Variants in SH3KBP1 observed in about 807,000 individuals in gnomAD.
SH3KBP1 encodes SH3 domain-containing kinase-binding protein 1.
SH3KBP1 carries 8 observed loss-of-function variants against 50.1 expected under a neutral mutation model. The ratio of observed to expected loss-of-function variants is 0.16; its 90% CI spans 0.09 to 0.29. SH3KBP1 has a LOEUF of 0.29. Among genes scored for constraint, SH3KBP1 ranks in the 10% least tolerant of loss-of-function variants. The pLI, the probability that SH3KBP1 is intolerant of heterozygous loss-of-function variation, is 1.00. For missense variants in SH3KBP1, 377 were observed against 535.2 expected, an observed-to-expected ratio of 0.70 and a Z score of 2.92; for synonymous variants, 227 against 218.6, an observed-to-expected ratio of 1.04 and a Z score of -0.34.
intron 9 of SH3KBP1, among the ~76,000 whole-genome samples, chrX:19,602,959 A>G (rs1341174648): frequency 9.0e-6 from 1 of 111,720 alleles, no homozygotes; most frequent in East Asian, 2.8e-4. Flanking sequence ...AACCTGCAAA[A>G]CTTGTGCTAA....
chrX:19,652,140 C>A (rs758687801), intron 6 of SH3KBP1, among the ~76,000 whole-genome samples: 7 of 110,870 alleles, frequency 6.3e-5, no homozygotes, highest in African/African-American at 2.0e-4. Context: ...TAGATTAGAG[C>A]CCTACTGTTT....
At chrX:19,611,956 G>GAAAAAAAAAAA (rs3036638) in intron 8 of SH3KBP1, among the ~76,000 whole-genome samples, 24 of 38,024 alleles carry the variant, frequency 6.3e-4, no homozygotes, top group Admixed American at 8.0e-4. Context: ...AGCAGAAGTA[G>GAAAAAAAAAAA]AAAAAAAAAA....
chrX:19,707,719 T>C (rs1343706906), intron 3 of SH3KBP1, among the ~76,000 whole-genome samples: 1 of 112,301 alleles, frequency 8.9e-6, no homozygotes, highest in Non-Finnish European at 1.9e-5. Flanking sequence ...GCATGTCCTA[T>C]CTGGGAGACC....
chrX:19,856,953 T>TTG, intron 1 of SH3KBP1, among the ~76,000 whole-genome samples: 1 of 37,502 alleles, frequency 2.7e-5, no homozygotes, highest in Non-Finnish European at 4.1e-5. Flanking sequence ...ATACTAGTCT[T>TTG]TTTTTTTTTT....
intron 3 of SH3KBP1, among the ~76,000 whole-genome samples, chrX:19,735,593 A>C: frequency 1.8e-5 from 2 of 109,414 alleles, no homozygotes; most frequent in South Asian, 8.0e-4. Flanking sequence ...CATACTGCTT[A>C]ATTTCTATGT....
intron 1 of SH3KBP1, among the ~76,000 whole-genome samples, chrX:19,882,077 G>A (rs886885613): frequency 9.0e-6 from 1 of 111,043 alleles, no homozygotes; most frequent in Non-Finnish European, 1.9e-5. Flanking sequence ...AAAGGTGAAT[G>A]CAAGATGTAA....
chrX:19,763,418 G>C (rs763450790), intron 2 of SH3KBP1, among the ~76,000 whole-genome samples: 47 of 112,358 alleles, frequency 4.2e-4, no homozygotes, highest in Non-Finnish European at 7.7e-4. Flanking sequence ...CTTTCCATAT[G>C]CTTACCGTTA....
intron 1 of SH3KBP1, among the ~76,000 whole-genome samples, chrX:19,872,839 A>T (rs868727369): frequency 1.1e-3 from 118 of 103,668 alleles, no homozygotes; most frequent in African/African-American, 4.6e-3. Context: ...TCTCTCACAC[A>T]CACACACACA....
At chrX:19,882,561 T>C (rs2069468726) in intron 1 of SH3KBP1, among the ~76,000 whole-genome samples, 2 of 111,798 alleles carry the variant, frequency 1.8e-5, no homozygotes, top group African/African-American at 6.5e-5. Context: ...GATTCCCTCC[T>C]ACAGCCTCCA....
intron 8 of SH3KBP1, among the ~76,000 whole-genome samples, chrX:19,631,469 G>A (rs949223574): frequency 2.7e-5 from 3 of 111,063 alleles, no homozygotes; most frequent in Admixed American, 9.5e-5. Flanking sequence ...CATTCTTTAA[G>A]CGTTTTCTGC....
chrX:19,719,033 C>CACAT (rs1214573187), intron 3 of SH3KBP1, among the ~76,000 whole-genome samples: 1 of 111,722 alleles, frequency 9.0e-6, no homozygotes, highest in Non-Finnish European at 1.9e-5. Flanking sequence ...CATACACACA[C>CACAT]ACATACATAC....
chrX:19,567,518 CAAAAAAAAAAAAAAAAAAAA>C (rs869158450), intron 13 of SH3KBP1, among the ~76,000 whole-genome samples: 5 of 7,270 alleles, frequency 6.9e-4, no homozygotes, highest in African/African-American at 1.7e-3. Context: ...GACTCCATCT[CAAAAAAAAAAAAAAAAAAAA>C]AAAAAAAAAA....
intron 6 of SH3KBP1, among the ~76,000 whole-genome samples, chrX:19,678,528 T>C (rs1268026165): frequency 2.7e-5 from 3 of 110,985 alleles, no homozygotes; most frequent in South Asian, 3.8e-4. Flanking sequence ...CACTTATATA[T>C]AGCCACTTAG....
At chrX:19,630,389 T>C (rs1160762685) in intron 8 of SH3KBP1, among the ~76,000 whole-genome samples, 1 of 112,507 alleles carries the variant, frequency 8.9e-6, no homozygotes, top group Non-Finnish European at 1.9e-5. Flanking sequence ...AACAACTTCC[T>C]TATTCCGCTT....
intron 5 of SH3KBP1, among the ~76,000 whole-genome samples, chrX:19,688,438 C>T (rs2063214674): frequency 8.9e-6 from 1 of 112,150 alleles, no homozygotes; most frequent in Non-Finnish European, 1.9e-5. Flanking sequence ...CATGAGGACA[C>T]AGGACTCACC....
Position 19,765,342 on chromosome X carries a change from T to C in SH3KBP1, c.163-18901A>G, listed in dbSNP as rs368488704. ...TCTTACTGGGCTAAAATGGAGGTGTTGGCAGGCTGCATTCATTCAGGGGCT... is the reference window on the plus strand; with the variant it reads ...TCTTACTGGGCTAAAATGGAGGTGTCGGCAGGCTGCATTCATTCAGGGGCT... On this transcript the variant is annotated intron_variant, in intron 2 of 17. Coordinates refer to ENST00000397821, the MANE Select transcript of SH3KBP1 (RefSeq NM_031892.3). 4.5e-5 allele frequency among the ~76,000 whole-genome samples: 5 copies of C among 111,194 alleles called. No homozygotes were observed. In the East Asian group the frequency reaches 1.1e-3, roughly 25 times the overall value.
rs934867483 is a variant in SH3KBP1 at position 19,634,508 on chromosome X, C to T, written c.803-2550G>A. Among the ~76,000 whole-genome samples the T allele has an allele frequency of 2.7e-5, 3 of 111,370 alleles. No homozygotes were observed. The East Asian group carries it at 8.5e-4, about 31-fold the overall frequency. ...AGAGAAAAAGAGGAGATCCTGGTGC[C>T]AGGGCTTGCTGCAGCATATCTCAGC... On this transcript the variant is annotated intron_variant, in intron 7 of 17. Coordinates refer to ENST00000397821, the MANE Select transcript of SH3KBP1 (RefSeq NM_031892.3).
At chrX:19,795,683 C>T (rs772506462) in intron 2 of SH3KBP1, among the ~76,000 whole-genome samples, 6 of 111,717 alleles carry the variant, frequency 5.4e-5, no homozygotes, top group Non-Finnish European at 1.1e-4. Flanking sequence ...AAAGAGTCTG[C>T]CTATGGAGTA....
chrX:19,564,806 A>T (rs1340585633), intron 13 of SH3KBP1, among the ~76,000 whole-genome samples: 2 of 110,664 alleles, frequency 1.8e-5, no homozygotes, highest in Non-Finnish European at 1.9e-5. Flanking sequence ...TGCTATTGAC[A>T]TTTGGGGCTG....
Sources: gnomAD v4.1 joint callset for allele counts (sites outside exome capture counted in the v4.1 genomes callset) on GRCh38, gnomAD v4.1.1 for gene constraint, MANE v1.5 for transcripts, NCBI Gene and HGNC (gene_info 2026-07-23, HGNC 2026-07-21) for gene names.